PCDHA7: variants seen among roughly 807,000 people sequenced by gnomAD.
The protein encoded by PCDHA7 is protocadherin alpha 7, also known as protocadherin alpha-7.
A neutral mutation model predicts 57.2 loss-of-function variants in PCDHA7; 37 were observed. The ratio of observed to expected loss-of-function variants is 0.65; its 90% CI spans 0.50 to 0.85. The LOEUF is 0.85. Among genes scored for constraint, PCDHA7 ranks in the 40% least tolerant of loss-of-function variants. The probability of loss-of-function intolerance (pLI) is 0.00; values close to 1 mark genes in which losing one functional copy is unlikely to be tolerated. For synonymous variants in PCDHA7, 553 were observed against 558.8 expected (o/e 0.99, Z 0.15); for missense variants, 1,188 against 1,241.8 (o/e 0.96, Z 0.65).
Position 140,850,119 on chromosome 5 carries a change from G to T in PCDHA7, c.2355+13381G>T, listed in dbSNP as rs2150468632. On this transcript the variant is annotated intron_variant, in intron 1 of 3. Coordinates refer to ENST00000525929, the MANE Select transcript of PCDHA7 (RefSeq NM_018910.3). ...CCAGGTGAGCGCGCGCGACGCGGGC[G>T]TGCCGCCTCTGGGCAGCAACGTGAC... is the stretch of plus-strand genomic sequence containing the variant. The T allele has an allele frequency of 1.1e-5, 17 of 1,596,076 alleles. No homozygotes were observed. The Admixed American group carries it at 1.9e-4, about 17-fold the overall frequency.
intron 3 of PCDHA7, among the ~76,000 whole-genome samples, chr5:140,987,107 G>C (rs936936352): frequency 2.0e-5 from 3 of 151,876 alleles, no homozygotes; most frequent in Admixed American, 6.6e-5. Context: ...CCAGCTACTC[G>C]GGAGGCTGAG....
chr5:140,846,369 C>CTTTTTTTTTTTTTTT (rs797033964), intron 1 of PCDHA7, among the ~76,000 whole-genome samples: 7 of 102,190 alleles, frequency 6.8e-5, no homozygotes, highest in Non-Finnish European at 1.2e-4. Context: ...TCTTTTCTTT[C>CTTTTTTTTTTTTTTT]TTTCTTTTTT....
At chr5:140,906,253 A>C (rs1049653184) in intron 1 of PCDHA7, among the ~76,000 whole-genome samples, 5 of 152,064 alleles carry the variant, frequency 3.3e-5, no homozygotes, top group South Asian at 2.1e-4. Flanking sequence ...ACCCATACAC[A>C]CCTCCTGAAA....
intron 1 of PCDHA7, chr5:140,876,604 G>A: frequency 6.2e-7 from 1 of 1,614,204 alleles, no homozygotes; most frequent in Non-Finnish European, 8.5e-7. Flanking sequence ...GTCGGATCGT[G>A]ACTCTGGAGC....
At chr5:140,875,723 T>G in intron 1 of PCDHA7, 1 of 1,614,194 alleles carries the variant, frequency 6.2e-7, no homozygotes, top group South Asian at 1.1e-5. Context: ...AATGGCATTT[T>G]GTTTGTGAAT....
chr5:140,953,187 T>A (rs2094856489), intron 1 of PCDHA7, among the ~76,000 whole-genome samples: 1 of 152,148 alleles, frequency 6.6e-6, no homozygotes, highest in South Asian at 2.1e-4. Flanking sequence ...AGAATAAACT[T>A]GATTAGACTA....
Position 140,884,327 on chromosome 5 carries a change from G to T in PCDHA7, c.2355+47589G>T, listed in dbSNP as rs1400364790. The T allele has an allele frequency of 5.6e-6, 9 of 1,613,894 alleles. No individual in the cohort carries two copies. In the African/African-American group the frequency reaches 9.3e-5, roughly 17 times the overall value. Reference sequence around the variant, plus strand: ...TTCGTCGAGGGCGTCGGCAGGCGCTGTGGGTCCAGAAGCGGCGCTGGTGGA... The same window carrying T: ...TTCGTCGAGGGCGTCGGCAGGCGCTTTGGGTCCAGAAGCGGCGCTGGTGGA... On this transcript the variant is annotated intron_variant, in intron 1 of 3. Coordinates refer to ENST00000525929, the MANE Select transcript of PCDHA7 (RefSeq NM_018910.3).
At chr5:140,867,777 A>C (rs1477276984) in intron 1 of PCDHA7, 1 of 152,128 alleles carries the variant, frequency 6.6e-6, no homozygotes, top group Non-Finnish European at 1.5e-5. Context: ...CTCATAAGCA[A>C]TTCCTGTATT....
At chr5:141,008,568 T>C (rs1430525508) in intron 3 of PCDHA7, among the ~76,000 whole-genome samples, 2 of 152,220 alleles carry the variant, frequency 1.3e-5, no homozygotes, top group African/African-American at 4.8e-5. Flanking sequence ...GCATAATCAT[T>C]TTCCCAAGAC....
intron 1 of PCDHA7, chr5:140,929,343 A>G (rs1204297753): frequency 2.0e-6 from 3 of 1,531,032 alleles, no homozygotes; most frequent in Non-Finnish European, 2.6e-6. Context: ...AATTTTATGG[A>G]ATTTGATTCC....
At chr5:140,923,226 G>T (rs2081248805) in intron 1 of PCDHA7, among the ~76,000 whole-genome samples, 1 of 71,914 alleles carries the variant, frequency 1.4e-5, no homozygotes, top group Admixed American at 1.5e-4. Flanking sequence ...GATCGTTTGA[G>T]CCCAGAAGTT....
chr5:140,918,786 A>T (rs2078853629), intron 1 of PCDHA7, among the ~76,000 whole-genome samples: 1 of 147,002 alleles, frequency 6.8e-6, no homozygotes, highest in African/African-American at 2.6e-5. Context: ...ATGTGAGGAC[A>T]CAGCAAAAAT....
intron 1 of PCDHA7, chr5:140,881,309 G>C (rs535656328): frequency 1.0e-6 from 1 of 975,612 alleles, no homozygotes; most frequent in East Asian, 1.1e-4. Context: ...TTAACCTCCT[G>C]GTTAAATTCT....
intron 1 of PCDHA7, among the ~76,000 whole-genome samples, chr5:140,923,036 T>C (rs868918813): frequency 1.3e-5 from 2 of 152,196 alleles, no homozygotes; most frequent in Non-Finnish European, 2.9e-5. Context: ...TATTACTACA[T>C]GTATAGTATT....
intron 1 of PCDHA7, chr5:140,927,292 C>G (rs782109776): frequency 1.3e-5 from 21 of 1,614,162 alleles, no homozygotes; most frequent in Non-Finnish European, 1.7e-6. Context: ...GCTGCACATC[C>G]CCGAGTTCCT....
chr5:140,929,541 G>A, intron 1 of PCDHA7: 6 of 542,944 alleles, frequency 1.1e-5, no homozygotes, highest in Non-Finnish European at 1.8e-5. Context: ...AGAAACAAGG[G>A]CAAAAATTAA....
At chr5:140,838,888 C>A (rs1414271467) in intron 1 of PCDHA7, among the ~76,000 whole-genome samples, 1 of 151,692 alleles carries the variant, frequency 6.6e-6, no homozygotes, top group Non-Finnish European at 1.5e-5. Context: ...GAACTCCAGC[C>A]TAGGTGACAG....
At position 140,868,760 on chromosome 5, in the gene PCDHA7, T is replaced by A. The variant is rs554040026; in HGVS notation, c.2355+32022T>A. On this transcript the variant is annotated intron_variant, in intron 1 of 3. Transcript: ENST00000525929. ...AATACAATGCCATTTCCATATATATTTAGTTTCAATATGACTTATAATCTG... is the reference window on the plus strand; with the variant it reads ...AATACAATGCCATTTCCATATATATATAGTTTCAATATGACTTATAATCTG... The A allele has an allele frequency of 3.0e-3, 699 of 232,214 alleles. 6 individuals carry two copies. The highest frequency in any genetic ancestry group is 0.014 in the African/African-American group (640 of 44,274). The allele number at this position is 232,214 out of a possible 1,614,324, so 14.4% of individuals were successfully genotyped here.
chr5:140,929,164 GC>G (rs781931769), intron 1 of PCDHA7: 2 of 1,614,150 alleles, frequency 1.2e-6, no homozygotes, highest in Non-Finnish European at 1.7e-6. Context: ...TCTCTATCGG[GC>G]CTCTCTGGGA....
Sources: gnomAD v4.1 joint callset for allele counts (sites outside exome capture counted in the v4.1 genomes callset) on GRCh38, gnomAD v4.1.1 for gene constraint, MANE v1.5 for transcripts, NCBI Gene and HGNC (gene_info 2026-07-23, HGNC 2026-07-21) for gene names.